Variants in AFF3 observed in about 807,000 individuals in gnomAD.
AFF3 encodes AF4/FMR2 family member 3.
In AFF3, 32 loss-of-function variants were observed where a neutral mutation model predicts 129.7. That is an observed-to-expected ratio of 0.25 (90% CI 0.19 to 0.33). AFF3 has a LOEUF of 0.33. AFF3 is among the 10% of genes least tolerant of loss of function. AFF3 has a pLI of 1.00. For missense variants in AFF3, 1,373 were observed against 1,592.0 expected, an observed-to-expected ratio of 0.86 and a Z score of 2.34; for synonymous variants, 644 against 635.4, an observed-to-expected ratio of 1.01 and a Z score of -0.20.
At chr2:99,759,506 A>G (rs1282416844) in intron 8 of AFF3, among the ~76,000 whole-genome samples, 1 of 152,220 alleles carries the variant, frequency 6.6e-6, no homozygotes, top group Non-Finnish European at 1.5e-5. Flanking sequence ...AACTTGTTGA[A>G]TTGAACTGAA....
At chr2:99,766,531 G>A (rs1228823289) in intron 8 of AFF3, among the ~76,000 whole-genome samples, 2 of 152,060 alleles carry the variant, frequency 1.3e-5, no homozygotes, top group Non-Finnish European at 2.9e-5. Flanking sequence ...GGTTAGCCTT[G>A]GAAAAACCAT....
chr2:100,107,350 A>C, intron 2 of AFF3: 1 of 985,456 alleles, frequency 1.0e-6, no homozygotes, highest in Non-Finnish European at 1.2e-6. Flanking sequence ...TATGCAAACC[A>C]AAACAAGCAC....
intron 11 of AFF3, among the ~76,000 whole-genome samples, chr2:99,700,297 T>G (rs964091381): frequency 2.0e-5 from 3 of 152,168 alleles, no homozygotes; most frequent in African/African-American, 4.8e-5. Flanking sequence ...ATTTTTGTAT[T>G]TTTGATAGAG....
chr2:99,594,403 A>C, intron 14 of AFF3, 114 bp from the exon 15 acceptor site: 1 of 1,437,020 alleles, frequency 7.0e-7, no homozygotes, highest in South Asian at 1.5e-5. Flanking sequence ...CAGAAAACGA[A>C]TGGGCTGGAA....
intron 4 of AFF3, among the ~76,000 whole-genome samples, chr2:100,098,292 CA>C (rs1559123078): frequency 1.3e-5 from 2 of 151,814 alleles, no homozygotes; most frequent in Admixed American, 6.6e-5. Context: ...AAAACAACAA[CA>C]AAAAAATTAT....
intron 13 of AFF3, among the ~76,000 whole-genome samples, chr2:99,608,958 A>G (rs1306241292): frequency 6.6e-6 from 1 of 152,204 alleles, no homozygotes; most frequent in Non-Finnish European, 1.5e-5. Context: ...ATGTTTTGAG[A>G]TGGCTCAATA....
chr2:99,684,400 C>T (rs1261825911), intron 11 of AFF3, among the ~76,000 whole-genome samples: 1 of 152,166 alleles, frequency 6.6e-6, no homozygotes, highest in Non-Finnish European at 1.5e-5. Context: ...TCCTGGAAAA[C>T]GTGCTCCCAG....
At position 99,587,174 on chromosome 2, in the gene AFF3, G is replaced by A; in HGVS notation, c.2571C>T (p.His857=). ...TSTSNTLSAN[H]CNMNINSVAI... The stretch of plus-strand genomic sequence containing the variant: ...CGTACCTGTTGATGTTCATGTTGCA[G>A]TGGTTTGCAGACAAAGTATTACTGG... The change falls in exon 16 of 25, where the codon CAC becomes CAT. Residue 857 remains histidine (H), a synonymous_variant. Coordinates refer to ENST00000672756, the MANE Select transcript of AFF3 (RefSeq NM_001386135.1). The A allele has an allele frequency of 3.7e-6, 6 of 1,614,154 alleles. No homozygotes were observed. Among genetic ancestry groups the A allele is most frequent in the Non-Finnish European group, 5.1e-6 (6 of 1,180,034 alleles).
At chr2:99,921,552 AAGCGTAGCTGAAGGAAGT>A (rs1334729497) in intron 7 of AFF3, among the ~76,000 whole-genome samples, 2 of 152,156 alleles carry the variant, frequency 1.3e-5, no homozygotes, top group Admixed American at 1.3e-4. Context: ...TGTTAACATC[AAGCGTAGCTGAAGGAAGT>A]GTACGTAGGC....
At chr2:100,008,607 G>C (rs1682199671) in intron 5 of AFF3, among the ~76,000 whole-genome samples, 1 of 152,214 alleles carries the variant, frequency 6.6e-6, no homozygotes, top group African/African-American at 2.4e-5. Context: ...ATGTTACTGA[G>C]GGAGTGGCCA....
chr2:99,911,388 T>TGG (rs536208218), intron 7 of AFF3, among the ~76,000 whole-genome samples: 1 of 146,832 alleles, frequency 6.8e-6, no homozygotes, highest in African/African-American at 2.5e-5. Flanking sequence ...ACTTCATCTC[T>TGG]GGAAAAAAAA....
intron 11 of AFF3, among the ~76,000 whole-genome samples, chr2:99,723,030 T>G (rs954150173): frequency 2.6e-5 from 4 of 152,196 alleles, no homozygotes; most frequent in Admixed American, 2.0e-4. Context: ...CTATGAATAG[T>G]TTTTTTAACA....
intron 7 of AFF3, among the ~76,000 whole-genome samples, chr2:99,925,921 T>C (rs1325067882): frequency 1.3e-5 from 2 of 152,180 alleles, no homozygotes; most frequent in Non-Finnish European, 2.9e-5. Flanking sequence ...GTCTCACAAC[T>C]ATGGATCAGG....
At chr2:99,695,701 T>C (rs865941850) in intron 11 of AFF3, among the ~76,000 whole-genome samples, 1 of 152,176 alleles carries the variant, frequency 6.6e-6, no homozygotes, top group Middle Eastern at 3.4e-3. Context: ...ATTTCTCAAA[T>C]GCACAACACA....
intron 8 of AFF3, among the ~76,000 whole-genome samples, chr2:99,754,748 T>C (rs1338839916): frequency 6.6e-6 from 1 of 152,224 alleles, no homozygotes; most frequent in African/African-American, 2.4e-5. Context: ...CACTAAGCTG[T>C]GATTCTTAAG....
intron 22 of AFF3, 125 bp from the exon 23 acceptor site, chr2:99,554,857 C>T: frequency 9.6e-7 from 1 of 1,045,372 alleles, no homozygotes; most frequent in Non-Finnish European, 1.4e-6. Flanking sequence ...AAGGCACCTT[C>T]AGAGAAACTG....
At chr2:100,084,613 ATAT>A (rs1316951054) in intron 4 of AFF3, among the ~76,000 whole-genome samples, 3 of 152,022 alleles carry the variant, frequency 2.0e-5, no homozygotes, top group Admixed American at 2.0e-4. Context: ...ATGTAACAAA[ATAT>A]TATATTATAC....
intron 13 of AFF3, among the ~76,000 whole-genome samples, chr2:99,621,258 C>A (rs1445315006): frequency 1.3e-5 from 2 of 152,238 alleles, no homozygotes; most frequent in African/African-American, 2.4e-5. Flanking sequence ...TTGACTATAA[C>A]AAGCTGCCTG....
intron 7 of AFF3, among the ~76,000 whole-genome samples, chr2:99,885,997 C>A (rs189028376): frequency 1.3e-5 from 2 of 152,186 alleles, no homozygotes; most frequent in South Asian, 4.1e-4. Context: ...ACAAGGAACA[C>A]GCAGACAGTG....
Sources: gnomAD v4.1 joint callset for allele counts (sites outside exome capture counted in the v4.1 genomes callset) on GRCh38, gnomAD v4.1.1 for gene constraint, MANE v1.5 for transcripts, NCBI Gene and HGNC (gene_info 2026-07-23, HGNC 2026-07-21) for gene names.